The following AGAP1 variants were observed in gnomAD, a reference collection of about 807,000 sequenced individuals.
The protein encoded by AGAP1 is arf-GAP with GTPase, ANK repeat and PH domain-containing protein 1.
Under a neutral mutation model 105.3 loss-of-function variants are expected in AGAP1, and 29 were observed. The ratio of observed to expected loss-of-function variants is 0.28; its 90% CI spans 0.21 to 0.38. AGAP1 has a LOEUF of 0.38. Among genes scored for constraint, AGAP1 ranks in the 10% least tolerant of loss-of-function variants. The pLI, the probability that AGAP1 is intolerant of heterozygous loss-of-function variation, is 1.00. For missense variants in AGAP1, 998 were observed against 1,165.1 expected (o/e 0.86, Z 2.09); for synonymous variants, 509 against 485.9 (o/e 1.05, Z -0.63).
Position 235,872,775 on chromosome 2 carries a change from C to T in AGAP1, c.1051-10570C>T, listed in dbSNP as rs2049510639. Among the ~76,000 whole-genome samples the T allele has an allele frequency of 6.6e-6, 1 of 152,214 alleles. No individual in the cohort carries two copies. Among genetic ancestry groups the T allele is most frequent in the African/African-American group, 2.4e-5 (1 of 41,450 alleles). ...GAAAGCGACGGGCCCCCTGTCTTCC[C>T]CGATTGGTTTCCATTTAGCTGCTGC... On this transcript the variant is annotated intron_variant, in intron 9 of 17. Coordinates refer to ENST00000304032, the MANE Select transcript of AGAP1 (RefSeq NM_001037131.3). This position sits in a 1 kb window ranked among gnomAD's most constrained non-coding sequence, Gnocchi z 4.5.
intron 1 of AGAP1, among the ~76,000 whole-genome samples, chr2:235,648,036 G>A (rs747407283): frequency 3.3e-5 from 5 of 152,214 alleles, no homozygotes; most frequent in African/African-American, 7.2e-5. Context: ...CAACCCCCAA[G>A]TTATTCTTAG....
At chr2:235,939,188 C>T (rs991786569) in intron 12 of AGAP1, among the ~76,000 whole-genome samples, 2 of 152,174 alleles carry the variant, frequency 1.3e-5, no homozygotes, top group Non-Finnish European at 2.9e-5. Context: ...GCGACTGTTT[C>T]CAGCCTTCTC....
chr2:235,855,577 T>C lies in AGAP1; in HGVS notation c.1051-27768T>C, dbSNP rs2048654147. On this transcript the variant is annotated intron_variant, in intron 9 of 17. Transcript: ENST00000304032. This position sits in a 1 kb window ranked among gnomAD's most constrained non-coding sequence, Gnocchi z 5.0. The stretch of plus-strand genomic sequence containing the variant: ...TTCTGCTTTAAATATAGGGTATCAT[T>C]CTTTCCTTTAGATTCGTTGCCCTGA... Among the ~76,000 whole-genome samples, 1 of 152,224 alleles carries C rather than the reference T, an allele frequency of 6.6e-6. No homozygotes were observed. The highest frequency in any genetic ancestry group is 1.5e-5 in the Non-Finnish European group (1 of 68,032).
Position 235,953,206 on chromosome 2 carries a change from T to A in AGAP1, c.1484-15256T>A, listed in dbSNP as rs1346250889. Among the ~76,000 whole-genome samples, 1 of 152,148 alleles carries A rather than the reference T, an allele frequency of 6.6e-6. No individual in the cohort carries two copies. The highest frequency in any genetic ancestry group is 1.5e-5 in the Non-Finnish European group (1 of 68,024). On this transcript the variant is annotated intron_variant, in intron 12 of 17. Coordinates refer to ENST00000304032, the MANE Select transcript of AGAP1 (RefSeq NM_001037131.3). The surrounding 1 kb of genome is among the most constrained non-coding windows in gnomAD (Gnocchi z 5.2). ...CAAGAAGTTTTTCAAATATTTTAGG[T>A]GTTTACAAAATATTTCTATGAGGAC...
chr2:235,940,432 C>T (rs1167623008), intron 12 of AGAP1, among the ~76,000 whole-genome samples: 2 of 152,218 alleles, frequency 1.3e-5, no homozygotes, highest in African/African-American at 2.4e-5. Context: ...TTCTGGCTGA[C>T]AAGGCCCCAG....
At chr2:235,910,776 G>T (rs1046438624) in intron 11 of AGAP1, among the ~76,000 whole-genome samples, 2 of 152,154 alleles carry the variant, frequency 1.3e-5, no homozygotes, top group Non-Finnish European at 2.9e-5. Context: ...AATTAGCTGG[G>T]TGTGGAGATG....
intron 9 of AGAP1, chr2:235,852,602 A>G (rs2048519815): frequency 8.0e-7 from 1 of 1,251,022 alleles, no homozygotes; most frequent in African/African-American, 1.5e-5. Context: ...AGGGTTAGGT[A>G]ATTGAGTTTA....
Position 236,043,581 on chromosome 2 carries a change from G to A in AGAP1, c.1891+2740G>A, listed in dbSNP as rs183525409. Among the ~76,000 whole-genome samples, 4 of 152,030 alleles carry A rather than the reference G, an allele frequency of 2.6e-5. No individual in the cohort carries two copies. The East Asian group carries it at 7.8e-4, about 30-fold the overall frequency. On this transcript the variant is annotated intron_variant, in intron 15 of 17. Transcript: ENST00000304032. ...ATCTCTACTAAAAATACAAAAATTA[G>A]CCGGGCATGGTGGCATATGCCTGTA...
At chr2:235,903,825 G>T (rs745830666) in intron 10 of AGAP1, among the ~76,000 whole-genome samples, 22 of 151,996 alleles carry the variant, frequency 1.4e-4, no homozygotes, top group Non-Finnish European at 1.6e-4. Context: ...TACTCATTTG[G>T]TAACCTCCCG....
chr2:235,960,804 G>A lies in AGAP1; in HGVS notation c.1484-7658G>A, dbSNP rs1019667816. ...CACTCAACAGGGAGATGCTTTCTCT[G>A]TGTCAATAGACTTCACTCATGGACT... On this transcript the variant is annotated intron_variant, in intron 12 of 17. Coordinates refer to ENST00000304032, the MANE Select transcript of AGAP1 (RefSeq NM_001037131.3). The surrounding 1 kb of genome is among the most constrained non-coding windows in gnomAD (Gnocchi z 4.9). Among the ~76,000 whole-genome samples the A allele has an allele frequency of 1.3e-5, 2 of 152,194 alleles. No homozygotes were observed. Among genetic ancestry groups the A allele is most frequent in the African/African-American group, 4.8e-5 (2 of 41,452 alleles).
At chr2:235,876,282 C>T (rs2049722017) in intron 9 of AGAP1, among the ~76,000 whole-genome samples, 1 of 152,112 alleles carries the variant, frequency 6.6e-6, no homozygotes, top group Non-Finnish European at 1.5e-5. Context: ...ACTAGTCAAC[C>T]TATTAAATGA....
At chr2:235,748,262 C>A (rs1407893574) in intron 5 of AGAP1, among the ~76,000 whole-genome samples, 1 of 152,134 alleles carries the variant, frequency 6.6e-6, no homozygotes, top group African/African-American at 2.4e-5. Flanking sequence ...GCGAGCATGC[C>A]GCTGAGGACG....
intron 9 of AGAP1, among the ~76,000 whole-genome samples, chr2:235,811,209 G>A (rs1177167737): frequency 2.0e-5 from 3 of 151,980 alleles, no homozygotes; most frequent in African/African-American, 7.3e-5. Context: ...ACAGTCATAC[G>A]CCTTGGCCTC....
At position 235,789,811 on chromosome 2, in the gene AGAP1, C is replaced by T. The variant is rs1956868556; in HGVS notation, c.674-7948C>T. Among the ~76,000 whole-genome samples, 2 of 152,160 alleles carry T rather than the reference C, an allele frequency of 1.3e-5. No homozygotes were observed. Among genetic ancestry groups the T allele is most frequent in the South Asian group, 2.1e-4 (1 of 4,820 alleles). ...CTTACTCGAGCAGTTGAATCTTGGC[C>T]ACAGCTTCTCATTAGGCTTTCAGTG... On this transcript the variant is annotated intron_variant, in intron 6 of 17. Transcript: ENST00000304032. The surrounding 1 kb of genome is among the most constrained non-coding windows in gnomAD (Gnocchi z 4.2).
At position 235,986,258 on chromosome 2, in the gene AGAP1, T is replaced by G. The variant is rs143981878; in HGVS notation, c.1645+17635T>G. 8.8e-4 allele frequency among the ~76,000 whole-genome samples: 134 copies of G among 152,306 alleles called. 3 individuals carry two copies. In the East Asian group the frequency reaches 0.023, roughly 27 times the overall value. ...TGTGAATGAGAGTTGATTCATGATT[T>G]GGCTCTCTGCTTGCTTATTGTTGGT... On this transcript the variant is annotated intron_variant, in intron 13 of 17. Coordinates refer to ENST00000304032, the MANE Select transcript of AGAP1 (RefSeq NM_001037131.3).
chr2:236,102,738 G>A (rs2059388279), intron 16 of AGAP1, among the ~76,000 whole-genome samples: 2 of 152,136 alleles, frequency 1.3e-5, no homozygotes, highest in Non-Finnish European at 2.9e-5. Flanking sequence ...TGAGTTAAGG[G>A]GGTGTCACTG....
intron 1 of AGAP1, among the ~76,000 whole-genome samples, chr2:235,563,554 G>A (rs958550639): frequency 2.9e-5 from 4 of 138,330 alleles, no homozygotes; most frequent in Admixed American, 7.5e-5. Flanking sequence ...GGAAGTTGTC[G>A]TTTTATAACT....
intron 6 of AGAP1, among the ~76,000 whole-genome samples, chr2:235,778,466 C>A (rs1289111036): frequency 6.6e-6 from 1 of 152,190 alleles, no homozygotes; most frequent in South Asian, 2.1e-4. Flanking sequence ...GAGTCCCTGT[C>A]CTCATGCTTC....
rs928265853 is a variant in AGAP1, at chr2:235,845,916, C to T, written c.1051-37429C>T. The stretch of plus-strand genomic sequence containing the variant: ...CTCAGATATGCCCTCCTTCCTGCAC[C>T]CCCAGAGTGGCCCCTCCACTCACCC... On this transcript the variant is annotated intron_variant, in intron 9 of 17. Coordinates refer to ENST00000304032, the MANE Select transcript of AGAP1 (RefSeq NM_001037131.3). The surrounding 1 kb of genome is among the most constrained non-coding windows in gnomAD (Gnocchi z 4.8). 1.3e-5 allele frequency among the ~76,000 whole-genome samples: 2 copies of T among 152,102 alleles called. No individual in the cohort carries two copies. Among genetic ancestry groups the T allele is most frequent in the Non-Finnish European group, 2.9e-5 (2 of 68,022 alleles).
Sources: allele counts gnomAD v4.1 joint callset (sites outside exome capture counted in the v4.1 genomes callset), GRCh38; gene constraint gnomAD v4.1.1; non-coding constraint Gnocchi (gnomAD v3.1); transcripts MANE v1.5; gene names NCBI Gene and HGNC (gene_info 2026-07-23, HGNC 2026-07-21).